TEX9: variants seen among roughly 807,000 people sequenced by gnomAD.
The protein encoded by TEX9 is testis-expressed protein 9.
Under a neutral mutation model 59.6 loss-of-function variants are expected in TEX9, and 74 were observed. The ratio of observed to expected loss-of-function variants is 1.24; its 90% CI spans 1.03 to 1.51. TEX9 has a LOEUF of 1.51. Among genes scored for constraint, TEX9 ranks in the 40% most tolerant of loss-of-function variants. The probability of loss-of-function intolerance (pLI) is 0.00; values close to 1 mark genes in which losing one functional copy is unlikely to be tolerated. For missense variants in TEX9, 522 were observed against 447.8 expected (o/e 1.17, Z -1.49); for synonymous variants, 186 against 152.2 (o/e 1.22, Z -1.64).
chr15:56,362,680 A>G (rs2725868), upstream of TEX9, among the ~76,000 whole-genome samples: 7,380 of 152,226 alleles, frequency 0.048, 472 homozygotes, highest in African/African-American at 0.15. Context: ...AGCGCCCCCC[A>G]AACCCTGCAA....
rs142186492 is a variant in TEX9, at chr15:56,345,468, C to G, written c.-106-27973C>G. ...GAAAGTGTTTTCTGGCCTTTTCCCC[C>G]CTAAGAGATGGGGTCTTGCTATGTT... On this transcript the variant is annotated intron_variant, in intron 1 of 5. Transcript: ENST00000560827. Among the ~76,000 whole-genome samples, 324 of 152,222 alleles carry G rather than the reference C, an allele frequency of 2.1e-3. 2 individuals are homozygous for G. Among genetic ancestry groups the G allele is most frequent in the African/African-American group, 6.5e-3 (270 of 41,542 alleles).
chr15:56,410,014 A>G (rs1309483016), intron 9 of TEX9: 1 of 152,204 alleles, frequency 6.6e-6, no homozygotes, highest in Non-Finnish European at 1.5e-5. Flanking sequence ...GAGAGGAGGA[A>G]CTTTGGTTAA....
At chr15:56,320,400 G>A (rs1303210663) in intron 1 of TEX9, among the ~76,000 whole-genome samples, 1 of 152,164 alleles carries the variant, frequency 6.6e-6, no homozygotes, top group Non-Finnish European at 1.5e-5. Flanking sequence ...TTAGTTTCTG[G>A]TAAGGGCTCT....
intron 1 of TEX9, among the ~76,000 whole-genome samples, chr15:56,286,194 A>G (rs1454030734): frequency 6.6e-6 from 1 of 152,108 alleles, no homozygotes; most frequent in East Asian, 1.9e-4. Context: ...ATAGTCCACA[A>G]TTCTTGGTTG....
intron 3 of TEX9, among the ~76,000 whole-genome samples, chr15:56,381,891 T>G (rs1427164496): frequency 6.6e-6 from 1 of 152,192 alleles, no homozygotes; most frequent in Admixed American, 6.5e-5. Context: ...GCCCTAGAGC[T>G]CTACAATCAG....
chr15:56,354,674 T>A (rs1252851323), intron 1 of TEX9, among the ~76,000 whole-genome samples: 3 of 152,184 alleles, frequency 2.0e-5, no homozygotes, highest in Non-Finnish European at 4.4e-5. Flanking sequence ...AGAGGCATCT[T>A]ACAGTCAGGC....
rs1488765539 is a variant in TEX9, at chr15:56,266,468, G to A, written c.-107+22190G>A. 9.3e-5 allele frequency among the ~76,000 whole-genome samples: 14 copies of A among 150,602 alleles called. No individual in the cohort carries two copies. In the East Asian group the frequency reaches 2.2e-3, roughly 23 times the overall value. On this transcript the variant is annotated intron_variant, in intron 1 of 5. Coordinates refer to the TEX9 transcript ENST00000560827. The stretch of plus-strand genomic sequence containing the variant: ...TTAGGTATTTTTCCTAATGCTATCC[G>A]TCCCCCATCCCCCCCACCCAATGAC...
intron 1 of TEX9, among the ~76,000 whole-genome samples, chr15:56,312,668 C>CTTCA (rs1430244245): frequency 6.2e-5 from 8 of 129,082 alleles, no homozygotes; most frequent in Non-Finnish European, 9.8e-5. Context: ...GTAGTTTTTT[C>CTTCA]CAATTCTGTG....
At chr15:56,316,874 C>T (rs1274739882) in intron 1 of TEX9, among the ~76,000 whole-genome samples, 1 of 152,208 alleles carries the variant, frequency 6.6e-6, no homozygotes, top group African/African-American at 2.4e-5. Flanking sequence ...TTAAGCCCGT[C>T]GGAAAAGCGC....
At chr15:56,419,602 C>T (rs1008003982) in intron 10 of TEX9, among the ~76,000 whole-genome samples, 16 of 151,734 alleles carry the variant, frequency 1.1e-4, no homozygotes, top group African/African-American at 3.9e-4. Flanking sequence ...GATGGTGTGT[C>T]ATTATCTCTT....
At chr15:56,382,729 G>A (rs978054235) in intron 3 of TEX9, among the ~76,000 whole-genome samples, 1 of 152,174 alleles carries the variant, frequency 6.6e-6, no homozygotes, top group Admixed American at 6.5e-5. Flanking sequence ...CCATGGCCGA[G>A]GTGGTATCCG....
At chr15:56,369,525 G>C (rs1225418601) in intron 2 of TEX9, among the ~76,000 whole-genome samples, 1 of 151,896 alleles carries the variant, frequency 6.6e-6, no homozygotes, top group Non-Finnish European at 1.5e-5. Context: ...TGTAGTGATG[G>C]GGTTTCGTCA....
chr15:56,422,372 A>T (rs1172882369), intron 10 of TEX9, among the ~76,000 whole-genome samples: 1 of 151,726 alleles, frequency 6.6e-6, no homozygotes, highest in Non-Finnish European at 1.5e-5. Flanking sequence ...TCTATTAGCT[A>T]GCTGTTGTTT....
At chr15:56,336,809 C>T (rs1180715635) in intron 1 of TEX9, among the ~76,000 whole-genome samples, 1 of 152,144 alleles carries the variant, frequency 6.6e-6, no homozygotes, top group Non-Finnish European at 1.5e-5. Context: ...TATACTCCTA[C>T]ATCAGCCAGT....
At chr15:56,321,149 A>T (rs1267112145) in intron 1 of TEX9, among the ~76,000 whole-genome samples, 1 of 152,134 alleles carries the variant, frequency 6.6e-6, no homozygotes, top group Admixed American at 6.6e-5. Flanking sequence ...TTCCTAGTAG[A>T]TGCGAATGAT....
intron 9 of TEX9, among the ~76,000 whole-genome samples, chr15:56,410,754 G>A (rs996575587): frequency 2.0e-5 from 3 of 152,134 alleles, no homozygotes; most frequent in Non-Finnish European, 4.4e-5. Flanking sequence ...CAGGCAAGAG[G>A]GGAAAGATTC....
chr15:56,411,010 C>T (rs1459293462), intron 9 of TEX9, among the ~76,000 whole-genome samples: 2 of 152,142 alleles, frequency 1.3e-5, no homozygotes, highest in Non-Finnish European at 2.9e-5. Flanking sequence ...CCCTTAATTA[C>T]TCAGAGCCAG....
chr15:56,391,864 G>C (rs1015631663), intron 7 of TEX9, among the ~76,000 whole-genome samples: 1 of 152,014 alleles, frequency 6.6e-6, no homozygotes, highest in Non-Finnish European at 1.5e-5. Context: ...AAGGACAAAT[G>C]AATTGACATT....
chr15:56,385,233 A>G lies in TEX9; in HGVS notation c.263+1202A>G, dbSNP rs373197408. Among the ~76,000 whole-genome samples the G allele has an allele frequency of 9.8e-5, 15 of 152,316 alleles. No individual in the cohort carries two copies. In the East Asian group the frequency reaches 2.9e-3, roughly 29 times the overall value. ...ATATGGTTGTCATTATGCCAACAGC[A>G]CACTCTTGATTACCCTTGTTGTAAC... On this transcript the variant is annotated intron_variant, in intron 4 of 12. Coordinates refer to ENST00000352903, the Ensembl canonical transcript of TEX9.
Sources: gnomAD v4.1 joint callset for allele counts (sites outside exome capture counted in the v4.1 genomes callset) on GRCh38, gnomAD v4.1.1 for gene constraint, MANE v1.5 for transcripts, NCBI Gene and HGNC (gene_info 2026-07-23, HGNC 2026-07-21) for gene names.